Variants in SUPT3H observed in about 807,000 individuals in gnomAD.
The protein encoded by SUPT3H is transcription initiation protein SPT3 homolog.
Under a neutral mutation model 44.3 loss-of-function variants are expected in SUPT3H, and 44 were observed. That is an observed-to-expected ratio of 0.99 (90% CI 0.78 to 1.28). The LOEUF (loss-of-function observed/expected upper bound fraction) is 1.28, where lower values mean the gene tolerates loss of function less well. Among genes scored for constraint, SUPT3H ranks in the 50% most tolerant of loss-of-function variants. SUPT3H has a pLI of 0.00. For missense variants in SUPT3H, 380 were observed against 387.1 expected (o/e 0.98, Z 0.15); for synonymous variants, 124 against 125.6 (o/e 0.99, Z 0.09).
At position 45,009,928 on chromosome 6, in the gene SUPT3H, T is replaced by C. The variant is rs529340641; in HGVS notation, c.364+4873A>G. Among the ~76,000 whole-genome samples the C allele has an allele frequency of 3.0e-4, 45 of 152,236 alleles. No homozygotes were observed. In the East Asian group the frequency reaches 5.4e-3, roughly 18 times the overall value. On this transcript the variant is annotated intron_variant, in intron 5 of 10. Coordinates refer to ENST00000371459, the MANE Select transcript of SUPT3H (RefSeq NM_003599.4). ...AAGCAGATGAAATCTGTAGGCCAAG[T>C]TGGAGAGTATTAACACTTTAATAAT...
chr6:44,834,285 T>C lies in SUPT3H; in HGVS notation c.913-4428A>G, dbSNP rs80257025. Among the ~76,000 whole-genome samples the C allele has an allele frequency of 5.6e-3, 855 of 152,306 alleles. 5 individuals are homozygous for C. The highest frequency in any genetic ancestry group is 0.012 in the Admixed American group (181 of 15,298). On this transcript the variant is annotated intron_variant, in intron 10 of 10. Coordinates refer to ENST00000371459, the MANE Select transcript of SUPT3H (RefSeq NM_003599.4). ...GTAAATAAATATTTCCTAATGGAAA[T>C]TCTAATTTTGGCATTTAGTAAATTT...
intron 4 of SUPT3H, among the ~76,000 whole-genome samples, chr6:45,015,373 G>A (rs561953984): frequency 6.6e-6 from 1 of 152,108 alleles, no homozygotes; most frequent in African/African-American, 2.4e-5. Context: ...CCATGTAAAT[G>A]ACAAAAAATG....
chr6:44,992,872 TA>T (rs535865906), intron 6 of SUPT3H, among the ~76,000 whole-genome samples: 136 of 152,158 alleles, frequency 8.9e-4, no homozygotes, highest in South Asian at 1.7e-3. Flanking sequence ...AGAGAATGAT[TA>T]AAAAACAGTG....
intron 5 of SUPT3H, among the ~76,000 whole-genome samples, chr6:45,005,429 C>T (rs1415148504): frequency 2.6e-5 from 4 of 152,118 alleles, no homozygotes; most frequent in Non-Finnish European, 4.4e-5. Flanking sequence ...AATTTTAAAG[C>T]ATCTTTTGCC....
At chr6:45,002,674 C>A (rs1782161862) in intron 6 of SUPT3H, among the ~76,000 whole-genome samples, 1 of 151,984 alleles carries the variant, frequency 6.6e-6, no homozygotes, top group Non-Finnish European at 1.5e-5. Flanking sequence ...TGTACCAAAC[C>A]AAGATAACCA....
intron 10 of SUPT3H, among the ~76,000 whole-genome samples, chr6:44,922,405 C>T (rs910148315): frequency 1.3e-5 from 2 of 152,152 alleles, no homozygotes; most frequent in Non-Finnish European, 2.9e-5. Context: ...TTTGCAGCTA[C>T]ATCAGTAAAT....
intron 1 of SUPT3H, among the ~76,000 whole-genome samples, chr6:45,374,985 G>C (rs1280422577): frequency 6.6e-6 from 1 of 152,052 alleles, no homozygotes; most frequent in Non-Finnish European, 1.5e-5. Flanking sequence ...GGCGGGTGGA[G>C]CACTTGAGAT....
At chr6:45,076,466 AC>A (rs1170610486) in intron 3 of SUPT3H, among the ~76,000 whole-genome samples, 1 of 151,698 alleles carries the variant, frequency 6.6e-6, no homozygotes, top group Admixed American at 6.6e-5. Flanking sequence ...TCTTCCTGTT[AC>A]GTGTCTGATT....
chr6:44,983,922 C>T (rs1779430341), intron 6 of SUPT3H, among the ~76,000 whole-genome samples: 1 of 152,120 alleles, frequency 6.6e-6, no homozygotes, highest in Non-Finnish European at 1.5e-5. Flanking sequence ...GTACAGTATG[C>T]TCTGTAGCTT....
chr6:45,059,585 A>C (rs1208542200), intron 3 of SUPT3H, among the ~76,000 whole-genome samples: 1 of 152,162 alleles, frequency 6.6e-6, no homozygotes, highest in Non-Finnish European at 1.5e-5. Context: ...AGTTATGGTC[A>C]GGGCAATCAG....
chr6:45,271,473 C>G (rs1257529036), intron 2 of SUPT3H, among the ~76,000 whole-genome samples: 2 of 152,192 alleles, frequency 1.3e-5, no homozygotes, highest in African/African-American at 4.8e-5. Context: ...AGCCCCAAGT[C>G]TTGGCAGCTT....
At chr6:45,103,972 C>T (rs886997406) in intron 3 of SUPT3H, among the ~76,000 whole-genome samples, 1 of 151,992 alleles carries the variant, frequency 6.6e-6, no homozygotes, top group African/African-American at 2.4e-5. Flanking sequence ...ACATAGAATT[C>T]CATGTAGGGA....
chr6:45,261,266 C>CA lies in SUPT3H; in HGVS notation c.101+103934dup, dbSNP rs560365731. 4.3e-3 allele frequency among the ~76,000 whole-genome samples: 646 copies of CA among 151,814 alleles called. 4 individuals are homozygous for CA. The highest frequency in any genetic ancestry group is 0.015 in the African/African-American group (607 of 41,436). ...ATACCAAAACCTGCCAGAGACACAACAAAAAAAGAAAACTTCAGATCAATA... is the reference window on the plus strand; with the variant it reads ...ATACCAAAACCTGCCAGAGACACAACAAAAAAAAGAAAACTTCAGATCAATA... On this transcript the variant is annotated intron_variant, in intron 2 of 10. Transcript: ENST00000371459.
chr6:45,371,957 C>G (rs1796132402), intron 1 of SUPT3H: 19 of 789,392 alleles, frequency 2.4e-5, no homozygotes, highest in Non-Finnish European at 2.9e-5. Context: ...GTGATACAAG[C>G]TGGGACTAAA....
At chr6:45,262,238 G>T (rs560277804) in intron 2 of SUPT3H, among the ~76,000 whole-genome samples, 2 of 151,890 alleles carry the variant, frequency 1.3e-5, no homozygotes, top group East Asian at 3.9e-4. Context: ...AAATTCTTAT[G>T]GAACCAAAAA....
At chr6:45,122,508 A>G (rs186296903) in intron 2 of SUPT3H, among the ~76,000 whole-genome samples, 1 of 152,292 alleles carries the variant, frequency 6.6e-6, no homozygotes, top group East Asian at 1.9e-4. Flanking sequence ...TAGCAAAACA[A>G]AACAACAGAC....
chr6:45,012,644 A>T (rs1438701125), intron 5 of SUPT3H, among the ~76,000 whole-genome samples: 1 of 151,726 alleles, frequency 6.6e-6, no homozygotes, highest in Non-Finnish European at 1.5e-5. Flanking sequence ...TAAGTCCTAC[A>T]TCTGGGCCCC....
At chr6:45,250,652 A>C (rs1396715344) in intron 2 of SUPT3H, among the ~76,000 whole-genome samples, 1 of 152,124 alleles carries the variant, frequency 6.6e-6, no homozygotes, top group Non-Finnish European at 1.5e-5. Flanking sequence ...AATTCAAAAA[A>C]ATTTCCAAGA....
intron 2 of SUPT3H, among the ~76,000 whole-genome samples, chr6:45,364,946 T>C (rs1053865434): frequency 6.6e-6 from 1 of 152,148 alleles, no homozygotes; most frequent in African/African-American, 2.4e-5. Flanking sequence ...AGCAATTGTG[T>C]CCACCTGATT....
Sources: gnomAD v4.1 joint callset for allele counts (sites outside exome capture counted in the v4.1 genomes callset) on GRCh38, gnomAD v4.1.1 for gene constraint, MANE v1.5 for transcripts, NCBI Gene and HGNC (gene_info 2026-07-23, HGNC 2026-07-21) for gene names.